Variants in XIRP2 observed in about 807,000 individuals in gnomAD.
XIRP2 encodes the protein xin actin binding repeat containing 2.
In XIRP2, 236 loss-of-function variants were observed where a neutral mutation model predicts 277.0. The observed-to-expected ratio is 0.85, with a 90% CI of 0.77 to 0.95. The LOEUF (loss-of-function observed/expected upper bound fraction) is 0.95, where lower values mean the gene tolerates loss of function less well. Ranked by LOEUF, XIRP2 falls within the 40% of genes least tolerant of loss-of-function variation. XIRP2 has a pLI of 0.00. For missense variants in XIRP2, 4,640 were observed against 4,157.5 expected, an observed-to-expected ratio of 1.12 and a Z score of -3.19; for synonymous variants, 1,490 against 1,416.5, an observed-to-expected ratio of 1.05 and a Z score of -1.17.
chr2:167,006,481 G>A (rs1365033911), intron 2 of XIRP2, among the ~76,000 whole-genome samples: 1 of 151,698 alleles, frequency 6.6e-6, no homozygotes, highest in African/African-American at 2.4e-5. Flanking sequence ...GCCTATTCAC[G>A]ATGAGAAATA....
At chr2:167,047,461 AG>A (rs1688812594) in intron 2 of XIRP2, among the ~76,000 whole-genome samples, 1 of 151,884 alleles carries the variant, frequency 6.6e-6, no homozygotes, top group African/African-American at 2.4e-5. Flanking sequence ...ACATATTTTC[AG>A]CTCTGGAATG....
intron 2 of XIRP2, among the ~76,000 whole-genome samples, chr2:167,072,121 G>A (rs561890645): frequency 1.3e-5 from 2 of 152,226 alleles, no homozygotes; most frequent in East Asian, 3.9e-4. Context: ...TATGCCATAT[G>A]AAGTTATATG....
rs1373969124 is a variant in XIRP2, at chr2:167,246,076, CA to C, written c.4689del (p.Val1564LeufsTer14). The C allele has an allele frequency of 6.8e-6, 11 of 1,613,442 alleles. No homozygotes were observed. Among genetic ancestry groups the C allele is most frequent in the African/African-American group, 5.3e-5 (4 of 74,858 alleles). On this transcript the variant is annotated frameshift_variant, in exon 9 of 11. Transcript: ENST00000409195. LOFTEE classifies it high-confidence loss of function. Reference sequence around the variant, plus strand: ...AGAAACCTTAGAAGATCTCTACTCTCAAAAAGTTATCCAGGCTCCTGGAATC... The same window carrying C: ...AGAAACCTTAGAAGATCTCTACTCTCAAAAGTTATCCAGGCTCCTGGAATC... ...IKETLEDLYSQKVIQAPGIII... is the reference protein window; with the variant it reads ...IKETLEDLYSXKVIQAPGIII...
intron 2 of XIRP2, among the ~76,000 whole-genome samples, chr2:167,000,521 T>TG (rs1276917442): frequency 2.0e-5 from 3 of 151,668 alleles, no homozygotes; most frequent in Non-Finnish European, 4.4e-5. Context: ...TTGTTTTTTT[T>TG]TTTGTTTTAT....
Position 167,245,741 on chromosome 2 carries a change from A to C in XIRP2, c.4349A>C (p.Lys1450Thr), listed in dbSNP as rs769577256. Residue 1450 changes from lysine (K) to threonine (T), a missense_variant, in exon 9 of 11, where the codon AAA becomes ACA. By Grantham distance (78) the Lys-to-Thr change is moderately conservative (BLOSUM62 -1). Coordinates refer to ENST00000409195, the MANE Select transcript of XIRP2 (RefSeq NM_152381.6). ...AATGAAATACAAAAGGGCAATGTTA[A>C]AACATCTACTTGGCTATTTGAAACC... ...SVNEIQKGNV[K>T]TSTWLFETHT... 2.4e-5 allele frequency: 38 copies of C among 1,613,744 alleles called. No individual in the cohort carries two copies. The highest frequency in any genetic ancestry group is 3.1e-5 in the Non-Finnish European group (37 of 1,179,768).
chr2:167,022,947 T>C (rs1447101525), intron 2 of XIRP2, among the ~76,000 whole-genome samples: 3 of 152,156 alleles, frequency 2.0e-5, no homozygotes, highest in Non-Finnish European at 4.4e-5. Flanking sequence ...CAGCATGATT[T>C]ATAGTCCTTT....
At chr2:167,011,342 G>A (rs979691387) in intron 2 of XIRP2, among the ~76,000 whole-genome samples, 1 of 151,634 alleles carries the variant, frequency 6.6e-6, no homozygotes, top group East Asian at 1.9e-4. Context: ...TGTGGTTTTT[G>A]TCTTTGGTTC....
chr2:167,087,416 AC>A (rs1268522893), intron 2 of XIRP2, among the ~76,000 whole-genome samples: 2 of 151,546 alleles, frequency 1.3e-5, no homozygotes, highest in African/African-American at 4.9e-5. Flanking sequence ...GCCCTGCCCC[AC>A]AGGTGGAGCC....
intron 2 of XIRP2, among the ~76,000 whole-genome samples, chr2:167,104,125 T>C (rs907572540): frequency 1.3e-5 from 2 of 152,166 alleles, no homozygotes; most frequent in African/African-American, 4.8e-5. Flanking sequence ...TGATTAATTC[T>C]CCTTAAGAAG....
chr2:167,256,028 C>T (rs1007982257), intron 10 of XIRP2, among the ~76,000 whole-genome samples: 5 of 151,210 alleles, frequency 3.3e-5, no homozygotes, highest in African/African-American at 1.2e-4. Flanking sequence ...CTTAAATATA[C>T]CCACAGATTT....
intron 2 of XIRP2, among the ~76,000 whole-genome samples, chr2:167,065,094 G>T (rs973786532): frequency 6.6e-6 from 1 of 151,864 alleles, no homozygotes; most frequent in African/African-American, 2.4e-5. Flanking sequence ...TTCCATAGAG[G>T]CTGCACTATT....
intron 2 of XIRP2, among the ~76,000 whole-genome samples, chr2:167,077,453 T>A (rs1689600466): frequency 6.6e-6 from 1 of 151,784 alleles, no homozygotes. Context: ...AAAGGCAAAA[T>A]TCCCTCCATT....
chr2:167,030,663 G>T (rs766712749), intron 2 of XIRP2, among the ~76,000 whole-genome samples: 1 of 152,154 alleles, frequency 6.6e-6, no homozygotes, highest in Non-Finnish European at 1.5e-5. Context: ...GTGCGATGTG[G>T]TGCTGAGAAG....
At chr2:167,100,330 C>G (rs1280634549) in intron 2 of XIRP2, among the ~76,000 whole-genome samples, 1 of 152,034 alleles carries the variant, frequency 6.6e-6, no homozygotes, top group Non-Finnish European at 1.5e-5. Flanking sequence ...TCTTTCAAAT[C>G]TTTCATTTTG....
intron 2 of XIRP2, among the ~76,000 whole-genome samples, chr2:167,026,660 A>C (rs924201329): frequency 4.6e-5 from 7 of 152,072 alleles, no homozygotes; most frequent in Non-Finnish European, 1.0e-4. Flanking sequence ...GTGGTGAGAA[A>C]ATCTCTCAGC....
intron 5 of XIRP2, 97 bp from the exon 6 acceptor site, chr2:167,239,758 A>G (rs1002189246): frequency 1.9e-6 from 2 of 1,032,824 alleles, no homozygotes; most frequent in East Asian, 5.4e-5. Context: ...AAAGAATCTC[A>G]TTTTTTTTCA....
chr2:166,939,779 C>G (rs1685647552), intron 2 of XIRP2, among the ~76,000 whole-genome samples: 1 of 151,708 alleles, frequency 6.6e-6, no homozygotes, highest in South Asian at 2.1e-4. Flanking sequence ...TTGGCCCCCA[C>G]TCTCTTCTGG....
intron 2 of XIRP2, among the ~76,000 whole-genome samples, chr2:167,093,227 A>AAT (rs1690199788): frequency 6.6e-6 from 1 of 151,718 alleles, no homozygotes; most frequent in African/African-American, 2.4e-5. Context: ...TATTAAGAAT[A>AAT]TTAATATTAA....
chr2:167,098,567 T>G (rs969046026), intron 2 of XIRP2, among the ~76,000 whole-genome samples: 1 of 152,208 alleles, frequency 6.6e-6, no homozygotes, highest in East Asian at 1.9e-4. Context: ...TCATTCTCCA[T>G]CCGGTTTTGT....
Sources: gnomAD v4.1 joint callset for allele counts (sites outside exome capture counted in the v4.1 genomes callset) on GRCh38, gnomAD v4.1.1 for gene constraint, MANE v1.5 for transcripts, NCBI Gene and HGNC (gene_info 2026-07-23, HGNC 2026-07-21) for gene names.